RFWD3: variants seen among roughly 807,000 people sequenced by gnomAD.
The protein encoded by RFWD3 is E3 ubiquitin-protein ligase RFWD3.
RFWD3 carries 65 observed loss-of-function variants against 87.7 expected under a neutral mutation model. That is an observed-to-expected ratio of 0.74 (90% CI 0.61 to 0.91). RFWD3 has a LOEUF of 0.91. RFWD3 is among the 40% of genes least tolerant of loss of function. The probability of loss-of-function intolerance (pLI) is 0.00; values close to 1 mark genes in which losing one functional copy is unlikely to be tolerated. For synonymous variants in RFWD3, 433 were observed against 352.8 expected (o/e 1.23, Z -2.55); for missense variants, 1,078 against 938.5 (o/e 1.15, Z -1.94).
intron 8 of RFWD3, among the ~76,000 whole-genome samples, chr16:74,635,660 T>G (rs1272866585): frequency 6.6e-5 from 10 of 152,206 alleles, no homozygotes; most frequent in African/African-American, 2.2e-4. Context: ...TGGTTTTATT[T>G]GATGATAAAT....
intron 1 of RFWD3, among the ~76,000 whole-genome samples, chr16:74,665,950 G>A (rs568003626): frequency 8.0e-4 from 121 of 152,022 alleles, no homozygotes; most frequent in African/African-American, 2.7e-3. Context: ...CGACTGCCTC[G>A]GCCTCCCAAA....
intron 2 of RFWD3, among the ~76,000 whole-genome samples, chr16:74,652,793 G>A (rs1197232440): frequency 6.6e-6 from 1 of 152,094 alleles, no homozygotes; most frequent in Non-Finnish European, 1.5e-5. Context: ...GAATAACAAG[G>A]CATACTCCAG....
chr16:74,666,220 A>ATTGATT (rs1567591852), intron 1 of RFWD3: 9 of 142,954 alleles, frequency 6.3e-5, no homozygotes, highest in African/African-American at 1.0e-4. Flanking sequence ...ATAGATAGAT[A>ATTGATT]GATTGATTAG....
At chr16:74,659,948 A>C (rs1006944444) in intron 2 of RFWD3, among the ~76,000 whole-genome samples, 1 of 152,134 alleles carries the variant, frequency 6.6e-6, no homozygotes, top group Non-Finnish European at 1.5e-5. Context: ...TTAATCATCA[A>C]GAGGCTGAGG....
At chr16:74,642,901 T>C (rs1959783354) in intron 6 of RFWD3, among the ~76,000 whole-genome samples, 1 of 152,228 alleles carries the variant, frequency 6.6e-6, no homozygotes, top group Non-Finnish European at 1.5e-5. Flanking sequence ...TTGAAACTCT[T>C]CACTTTTTCT....
intron 4 of RFWD3, among the ~76,000 whole-genome samples, chr16:74,646,363 G>A (rs1173911944): frequency 6.6e-6 from 1 of 152,164 alleles, no homozygotes; most frequent in Non-Finnish European, 1.5e-5. Context: ...GGGACAGAAT[G>A]AGACCCTGTC....
rs1361799223 is a variant in RFWD3 at position 74,644,659 on chromosome 16, CAT to C, written c.867_868del (p.Ile289MetfsTer25). 1 of 1,614,102 alleles carries C rather than the reference CAT, an allele frequency of 6.2e-7. No individual in the cohort carries two copies. Among genetic ancestry groups the C allele is most frequent in the East Asian group, 2.2e-5 (1 of 44,904 alleles). Reference sequence around the variant, plus strand: ...CCCAGCATTGGTCCACTGTTCCAGACATATTGTACAAGTGTCCCCTTCTTCCT... The same window carrying C: ...CCCAGCATTGGTCCACTGTTCCAGACATTGTACAAGTGTCCCCTTCTTCCT... On this transcript the variant is annotated frameshift_variant, in exon 5 of 13. Coordinates refer to ENST00000361070, the MANE Select transcript of RFWD3 (RefSeq NM_018124.4). LOFTEE classifies it high-confidence loss of function.
intron 1 of RFWD3, among the ~76,000 whole-genome samples, chr16:74,663,699 T>A (rs1961648437): frequency 6.6e-6 from 1 of 152,214 alleles, no homozygotes; most frequent in Non-Finnish European, 1.5e-5. Context: ...CAGGGTATGA[T>A]ATGCAAACCA....
In RFWD3 at chr16:74,635,432, A is replaced by G. The variant is rs1415952922; in HGVS notation, c.1426+914T>C. Among the ~76,000 whole-genome samples, 4 of 152,020 alleles carry G rather than the reference A, an allele frequency of 2.6e-5. No homozygotes were observed. In the East Asian group the frequency reaches 7.7e-4, roughly 29 times the overall value. Reference sequence around the variant, plus strand: ...CAGTGAGCTGAGATCAGGCCACTGCACTCCAGCCTGCGCAAAAGAGTGAGA... The same window carrying G: ...CAGTGAGCTGAGATCAGGCCACTGCGCTCCAGCCTGCGCAAAAGAGTGAGA... On this transcript the variant is annotated intron_variant, in intron 8 of 12. Coordinates refer to ENST00000361070, the MANE Select transcript of RFWD3 (RefSeq NM_018124.4).
chr16:74,652,353 C>A (rs1960635638), intron 2 of RFWD3, among the ~76,000 whole-genome samples: 1 of 151,944 alleles, frequency 6.6e-6, no homozygotes, highest in African/African-American at 2.4e-5. Flanking sequence ...CTTGATCCTT[C>A]CGTTAAAAGC....
chr16:74,652,169 T>C (rs773387617), intron 2 of RFWD3, 47 bp from the exon 3 acceptor site: 7 of 1,530,412 alleles, frequency 4.6e-6, no homozygotes, highest in Admixed American at 3.4e-5. Flanking sequence ...TGAACTATCA[T>C]CACAAAAACA....
rs746935093 is a variant in RFWD3 at position 74,626,534 on chromosome 16, G to A, written c.1990C>T (p.Arg664Ter). ...YRPDKNHTTIRSVLMEMSYRL... is the reference protein window; with the variant it reads ...YRPDKNHTTI ...TAGGACATTTCCATCAGCACACTTC[G>A]TATGGTGGTGTGATTTTTATCTATG... is the stretch of plus-strand genomic sequence containing the variant. Residue 664 changes from arginine (R) to a stop codon, truncating the protein, a stop_gained, in exon 12 of 13, where the codon CGA (arginine) becomes TGA (stop). Transcript: ENST00000361070. LOFTEE classifies it high-confidence loss of function. 1.3e-5 allele frequency: 21 copies of A among 1,614,044 alleles called. No homozygotes were observed. The highest frequency in any genetic ancestry group is 2.2e-5 in the East Asian group (1 of 44,874).
At chr16:74,664,913 G>A (rs1051220422) in intron 1 of RFWD3, among the ~76,000 whole-genome samples, 2 of 152,206 alleles carry the variant, frequency 1.3e-5, no homozygotes, top group African/African-American at 4.8e-5. Flanking sequence ...TTCTGGAGCT[G>A]AAGCTTCCTA....
intron 1 of RFWD3, among the ~76,000 whole-genome samples, chr16:74,662,905 TTC>T (rs1169038676): frequency 1.4e-4 from 21 of 146,858 alleles, no homozygotes; most frequent in African/African-American, 5.6e-4. Flanking sequence ...ATGGTCATGC[TTC>T]TTTTTTTTTT....
chr16:74,629,551 C>T (rs765741447), intron 10 of RFWD3, among the ~76,000 whole-genome samples: 30 of 151,796 alleles, frequency 2.0e-4, no homozygotes, highest in Non-Finnish European at 4.0e-4. Context: ...CCCAGCTACT[C>T]GGGAGGTGGA....
At chr16:74,632,853 G>A (rs928568249) in intron 8 of RFWD3, 180 bp from the exon 9 acceptor site, 1 of 576,922 alleles carries the variant, frequency 1.7e-6, no homozygotes, top group Admixed American at 3.0e-5. Flanking sequence ...GAGTTGGCCA[G>A]GCTGGAATGC....
chr16:74,622,002 G>C lies in RFWD3; in HGVS notation c.*1926C>G, dbSNP rs78148391. 1 of 152,138 alleles carries C rather than the reference G, an allele frequency of 6.6e-6. No homozygotes were observed. Among genetic ancestry groups the C allele is most frequent in the Non-Finnish European group, 1.5e-5 (1 of 68,036 alleles). 9.4% of individuals were successfully genotyped at this position (152,138 alleles called of 1,614,324 possible). On this transcript the variant is annotated 3_prime_UTR_variant, in exon 13 of 13. Transcript: ENST00000361070. ...ATTTAATGTACTAATGCAAGGACTG[G>C]TAAGACTTAAGATTCACATAACGTC...
chr16:74,644,707 A>G lies in RFWD3; in HGVS notation c.821T>C (p.Leu274Pro), dbSNP rs1959973694. The change falls in exon 5 of 13, where the codon CTA becomes CCA. Residue 274 changes from leucine to proline, a missense_variant. Leu to Pro is a moderately conservative substitution (Grantham distance 98). Transcript: ENST00000361070. ...QPSPQKSEPL[L>P]PSASMDEEEG... The stretch of plus-strand genomic sequence containing the variant: ...TTCCTCATCCATAGAAGCAGAAGGT[A>G]GCAGAGGCTCAGACTTCTGGGGAGA... The G allele has an allele frequency of 1.2e-6, 2 of 1,614,190 alleles. No homozygotes were observed. Among genetic ancestry groups the G allele is most frequent in the African/African-American group, 2.7e-5 (2 of 75,082 alleles).
chr16:74,625,853 C>G (rs1290537812), intron 12 of RFWD3, among the ~76,000 whole-genome samples: 1 of 152,196 alleles, frequency 6.6e-6, no homozygotes, highest in Non-Finnish European at 1.5e-5. Flanking sequence ...TGTGACTGTA[C>G]TGGACAGTGC....
Sources: gnomAD v4.1 joint callset for allele counts (sites outside exome capture counted in the v4.1 genomes callset) on GRCh38, gnomAD v4.1.1 for gene constraint, MANE v1.5 for transcripts, NCBI Gene and HGNC (gene_info 2026-07-23, HGNC 2026-07-21) for gene names.